The following GRIK3 variants were observed in gnomAD, a reference collection of about 807,000 sequenced individuals.
GRIK3 encodes the protein glutamate receptor ionotropic, kainate 3.
GRIK3 carries 29 observed loss-of-function variants against 102.5 expected under a neutral mutation model. That is an observed-to-expected ratio of 0.28 (90% CI 0.21 to 0.39). The LOEUF is 0.39. GRIK3 is among the 10% of genes least tolerant of loss of function. The probability of loss-of-function intolerance (pLI) is 1.00; values close to 1 mark genes in which losing one functional copy is unlikely to be tolerated. For synonymous variants in GRIK3, 511 were observed against 504.9 expected (o/e 1.01, Z -0.16); for missense variants, 908 against 1,252.4 (o/e 0.73, Z 4.15).
chr1:36,847,360 G>C (rs1386197118), intron 9 of GRIK3, among the ~76,000 whole-genome samples: 1 of 152,204 alleles, frequency 6.6e-6, no homozygotes, highest in Admixed American at 6.5e-5. Context: ...GGGGCAGAGT[G>C]GGGGACTATG....
chr1:37,010,996 C>T (rs1230026937), intron 1 of GRIK3, among the ~76,000 whole-genome samples: 2 of 152,184 alleles, frequency 1.3e-5, no homozygotes, highest in Non-Finnish European at 2.9e-5. Flanking sequence ...CCGCCTCCGC[C>T]TCCCAAAGTG....
chr1:37,019,336 G>T (rs956137214), intron 1 of GRIK3, among the ~76,000 whole-genome samples: 1 of 152,198 alleles, frequency 6.6e-6, no homozygotes, highest in Admixed American at 6.5e-5. Context: ...GCAAGGGCAG[G>T]AAGGAGGGCA....
At position 36,825,818 on chromosome 1, in the gene GRIK3, A is replaced by G. The variant is rs762866907; in HGVS notation, c.1539T>C (p.Asp513=). The G allele has an allele frequency of 6.2e-7, 1 of 1,607,490 alleles. No homozygotes were observed. Among genetic ancestry groups the G allele is most frequent in the Non-Finnish European group, 8.5e-7 (1 of 1,176,400 alleles). The change falls in exon 11 of 16, where the codon GAT becomes GAC. Residue 513 remains aspartate, a synonymous_variant. Coordinates refer to ENST00000373091, the MANE Select transcript of GRIK3 (RefSeq NM_000831.4). ...MVKELIDHKA[D]LAVAPLTITH... Reference sequence around the variant, plus strand: ...TGATGGTCAGGGGGGCCACGGCCAGATCTGCCTTCTGCAACCAGACAGAGA... The same window carrying G: ...TGATGGTCAGGGGGGCCACGGCCAGGTCTGCCTTCTGCAACCAGACAGAGA...
chr1:36,913,420 G>A (rs201303721), intron 1 of GRIK3, among the ~76,000 whole-genome samples: 1 of 152,072 alleles, frequency 6.6e-6, no homozygotes, highest in East Asian at 1.9e-4. Context: ...CCTGTTCTGC[G>A]TTTATTACTT....
At chr1:36,941,252 C>A (rs932068404) in intron 1 of GRIK3, among the ~76,000 whole-genome samples, 2 of 152,240 alleles carry the variant, frequency 1.3e-5, no homozygotes, top group African/African-American at 2.4e-5. Flanking sequence ...CTGCATCTAC[C>A]TGTGCATGCC....
Position 36,920,331 on chromosome 1 carries a change from G to A in GRIK3, c.116-29235C>T, listed in dbSNP as rs140180792. Among the ~76,000 whole-genome samples, 1,232 of 152,254 alleles carry A rather than the reference G, an allele frequency of 8.1e-3. 8 individuals are homozygous for A. The highest frequency in any genetic ancestry group is 0.013 in the Non-Finnish European group (885 of 68,026). On this transcript the variant is annotated intron_variant, in intron 1 of 15. Coordinates refer to ENST00000373091, the MANE Select transcript of GRIK3 (RefSeq NM_000831.4). Reference sequence around the variant, plus strand: ...TGAAATGGGAATTTTGCCTCCCAGGGCTGCTGGACAGGTTAGAGGCTGATG... The same window carrying A: ...TGAAATGGGAATTTTGCCTCCCAGGACTGCTGGACAGGTTAGAGGCTGATG...
chr1:37,030,230 G>A (rs1397830310), intron 1 of GRIK3, among the ~76,000 whole-genome samples: 1 of 152,312 alleles, frequency 6.6e-6, no homozygotes, highest in Non-Finnish European at 1.5e-5. Flanking sequence ...GCTGCTGTCT[G>A]CTCCTACAAG....
At chr1:37,031,709 G>A (rs1462266918) in intron 1 of GRIK3, among the ~76,000 whole-genome samples, 3 of 152,016 alleles carry the variant, frequency 2.0e-5, no homozygotes, top group Non-Finnish European at 4.4e-5. Context: ...TCCCAGGGAT[G>A]GGGGGGATGG....
At chr1:36,984,621 G>A (rs1306553585) in intron 1 of GRIK3, among the ~76,000 whole-genome samples, 1 of 152,200 alleles carries the variant, frequency 6.6e-6, no homozygotes, top group Non-Finnish European at 1.5e-5. Context: ...GGGAGGAGTG[G>A]GGCATGGATG....
intron 1 of GRIK3, among the ~76,000 whole-genome samples, chr1:36,987,034 C>T (rs1186692155): frequency 6.6e-6 from 1 of 152,182 alleles, no homozygotes; most frequent in African/African-American, 2.4e-5. Flanking sequence ...GACTATGCTG[C>T]AGCCCTGGCT....
At chr1:36,950,702 C>T (rs779637837) in intron 1 of GRIK3, among the ~76,000 whole-genome samples, 19 of 152,332 alleles carry the variant, frequency 1.2e-4, no homozygotes, top group African/African-American at 2.4e-4. Flanking sequence ...AGGCTACATG[C>T]GATTTATCTG....
Position 36,799,240 on chromosome 1 carries a change from A to G in GRIK3, c.*2611T>C, listed in dbSNP as rs1642405371. 1 of 152,258 alleles carries G rather than the reference A, an allele frequency of 6.6e-6. No individual in the cohort carries two copies. Among genetic ancestry groups the G allele is most frequent in the Non-Finnish European group, 1.5e-5 (1 of 68,062 alleles). The allele number at this position is 152,258 out of a possible 1,614,324, so 9.4% of individuals were successfully genotyped here. A position where few individuals can be genotyped will look rare whatever the true frequency, so the allele number is the denominator to read the frequency against. ...CCCCCGTCTCCTGGCAAGTGTGCCC[A>G]TGCAACCTTGGAACCTCTCTGTGAC... is the stretch of plus-strand genomic sequence containing the variant. On this transcript the variant is annotated 3_prime_UTR_variant, in exon 16 of 16. Transcript: ENST00000373091.
intron 2 of GRIK3, among the ~76,000 whole-genome samples, chr1:36,884,238 C>A (rs1439086927): frequency 2.0e-5 from 3 of 152,180 alleles, no homozygotes; most frequent in Admixed American, 6.5e-5. Flanking sequence ...AGTCAACATG[C>A]CTTGGGTAGC....
At chr1:36,928,434 G>A (rs1472883639) in intron 1 of GRIK3, among the ~76,000 whole-genome samples, 1 of 152,184 alleles carries the variant, frequency 6.6e-6, no homozygotes, top group Non-Finnish European at 1.5e-5. Flanking sequence ...CAGATTGTCT[G>A]AATCAAAGTG....
chr1:36,895,865 A>T (rs1391828599), intron 1 of GRIK3, among the ~76,000 whole-genome samples: 2 of 152,210 alleles, frequency 1.3e-5, no homozygotes. Flanking sequence ...CAAGAAAAAA[A>T]TCCCAACAAG....
chr1:36,918,693 A>T (rs1431622992), intron 1 of GRIK3, among the ~76,000 whole-genome samples: 1 of 152,000 alleles, frequency 6.6e-6, no homozygotes, highest in Admixed American at 6.6e-5. Context: ...TTCATCTTTC[A>T]TTCAGCATTT....
At chr1:36,834,455 C>A (rs1640347675) in intron 10 of GRIK3, among the ~76,000 whole-genome samples, 1 of 152,106 alleles carries the variant, frequency 6.6e-6, no homozygotes, top group Non-Finnish European at 1.5e-5. Context: ...CCATGAAAAG[C>A]CCACATATAT....
intron 1 of GRIK3, among the ~76,000 whole-genome samples, chr1:36,951,326 C>T (rs1004330577): frequency 2.0e-5 from 3 of 152,250 alleles, no homozygotes; most frequent in African/African-American, 7.2e-5. Context: ...ACAATACCAG[C>T]AAGGGACAGC....
At chr1:36,868,639 C>T (rs972126744) in intron 5 of GRIK3, among the ~76,000 whole-genome samples, 1 of 152,364 alleles carries the variant, frequency 6.6e-6, no homozygotes, top group African/African-American at 2.4e-5. Flanking sequence ...ATGCAATTGG[C>T]TCTCGCCCGC....
Sources: allele counts gnomAD v4.1 joint callset (sites outside exome capture counted in the v4.1 genomes callset), GRCh38; gene constraint gnomAD v4.1.1; transcripts MANE v1.5; gene names NCBI Gene and HGNC (gene_info 2026-07-23, HGNC 2026-07-21).